MICAL2: variants seen among roughly 807,000 people sequenced by gnomAD.
MICAL2 encodes microtubule associated monooxygenase, calponin and LIM domain containing 2.
MICAL2 carries 77 observed loss-of-function variants against 127.3 expected under a neutral mutation model. The ratio of observed to expected loss-of-function variants is 0.60; its 90% confidence interval spans 0.50 to 0.73. The LOEUF (loss-of-function observed/expected upper bound fraction) is 0.73, where lower values mean the gene tolerates loss of function less well. Among genes scored for constraint, MICAL2 ranks in the 30% least tolerant of loss-of-function variants. The probability of loss-of-function intolerance (pLI) is 0.00; values close to 1 mark genes in which losing one functional copy is unlikely to be tolerated. For missense variants in MICAL2, 1,351 were observed against 1,434.4 expected, an observed-to-expected ratio of 0.94 and a Z score of 0.94; for synonymous variants, 570 against 551.1, an observed-to-expected ratio of 1.03 and a Z score of -0.48.
chr11:12,310,981 T>C (rs1189349010), intron 29 of MICAL2, among the ~76,000 whole-genome samples: 1 of 152,174 alleles, frequency 6.6e-6, no homozygotes, highest in African/African-American at 2.4e-5. Context: ...GAAAAGAATC[T>C]TGATTGATTG....
chr11:12,226,942 C>A, intron 14 of MICAL2, 83 bp from the exon 15 acceptor site: 2 of 1,098,316 alleles, frequency 1.8e-6, no homozygotes, highest in Non-Finnish European at 2.8e-6. Flanking sequence ...CGTGAGCCAC[C>A]ACACCCAGCC....
At position 12,312,427 on chromosome 11, in the gene MICAL2, T is replaced by C. The variant is rs374846572; in HGVS notation, c.5213-7269T>C. Among the ~76,000 whole-genome samples the C allele has an allele frequency of 2.6e-4, 39 of 152,254 alleles. No individual in the cohort carries two copies. The South Asian group carries it at 7.9e-3, about 31-fold the overall frequency. On this transcript the variant is annotated intron_variant, in intron 29 of 34. Transcript: ENST00000646065. ...TTTAACTGCATCCCAGTCATTCTGT[T>C]ATGACACACTTTTATCATCAGTCAG...
At chr11:12,310,047 T>A (rs1864154982) in intron 29 of MICAL2, among the ~76,000 whole-genome samples, 1 of 152,142 alleles carries the variant, frequency 6.6e-6, no homozygotes, top group South Asian at 2.1e-4. Flanking sequence ...TACTGAGTTA[T>A]TTGAGTTTCT....
intron 2 of MICAL2, among the ~76,000 whole-genome samples, chr11:12,285,141 T>G (rs1258891038): frequency 6.6e-6 from 1 of 152,026 alleles, no homozygotes; most frequent in Non-Finnish European, 1.5e-5. Context: ...GATGAACTCA[T>G]AGGGAGTCAA....
rs190118761 is a variant in MICAL2, at chr11:12,164,495, T to C, written c.264+2076T>C. ...AGAACAGGAAAATCATTGACTCATA[T>C]TAACAGGAAGGTCCAGACACTTTAA... On this transcript the variant is annotated intron_variant, in intron 3 of 27. Transcript: ENST00000683283. Among the ~76,000 whole-genome samples, 371 of 152,308 alleles carry C rather than the reference T, an allele frequency of 2.4e-3. 7 individuals are homozygous for C. Among genetic ancestry groups the C allele is most frequent in the Non-Finnish European group, 1.5e-4 (10 of 68,030 alleles).
intron 3 of MICAL2, among the ~76,000 whole-genome samples, chr11:12,194,874 A>G (rs781169121): frequency 1.8e-4 from 28 of 152,248 alleles, no homozygotes; most frequent in Non-Finnish European, 2.9e-4. Context: ...GTAATTTTTC[A>G]CATCAAATGA....
chr11:12,224,078 G>A (rs537559633), intron 12 of MICAL2, among the ~76,000 whole-genome samples: 20 of 151,968 alleles, frequency 1.3e-4, no homozygotes, highest in South Asian at 4.1e-4. Context: ...CACACACCAC[G>A]ACATGCCCCA....
chr11:12,315,670 C>T (rs1167073602), intron 29 of MICAL2, among the ~76,000 whole-genome samples: 1 of 152,182 alleles, frequency 6.6e-6, no homozygotes, highest in Non-Finnish European at 1.5e-5. Context: ...AGGATATCGT[C>T]TAACTTAGGA....
intron 1 of MICAL2, among the ~76,000 whole-genome samples, chr11:12,123,328 T>C (rs1216307773): frequency 6.6e-6 from 1 of 152,344 alleles, no homozygotes; most frequent in South Asian, 2.1e-4. Context: ...GATTCATCAA[T>C]GTCCATGGTT....
At chr11:12,230,818 A>G (rs1858154069) in intron 15 of MICAL2, among the ~76,000 whole-genome samples, 1 of 152,170 alleles carries the variant, frequency 6.6e-6, no homozygotes, top group Non-Finnish European at 1.5e-5. Context: ...ATTTACTTTT[A>G]AAGAGAGTAA....
exon 2 of MICAL2, chr11:12,281,017 G>C (rs779947162): frequency 2.5e-6 from 1 of 399,020 alleles, no homozygotes; most frequent in African/African-American, 2.1e-5. Context: ...CAGGATCCCC[G>C]CATCTACCGC....
chr11:12,260,144 T>C, intron 26 of MICAL2: 1 of 1,529,482 alleles, frequency 6.5e-7, no homozygotes, highest in East Asian at 2.5e-5. Flanking sequence ...AACTGGGTGC[T>C]CAGGTGCTTC....
chr11:12,290,814 T>C (rs1863888491), downstream of MICAL2, among the ~76,000 whole-genome samples: 1 of 152,110 alleles, frequency 6.6e-6, no homozygotes, highest in African/African-American at 2.4e-5. Context: ...CATGTTCGCA[T>C]TGATGTATGG....
At chr11:12,291,968 C>G (rs113152600), downstream of MICAL2, among the ~76,000 whole-genome samples, 852 of 152,362 alleles carry the variant, frequency 5.6e-3, 7 homozygotes, top group African/African-American at 0.019. Context: ...GACCCTGCCA[C>G]TGCTCTACCC....
intron 1 of MICAL2, among the ~76,000 whole-genome samples, chr11:12,114,677 T>C (rs1849858470): frequency 1.3e-5 from 2 of 152,196 alleles, no homozygotes; most frequent in Admixed American, 1.3e-4. Flanking sequence ...GTGCTTTGAA[T>C]TGATGAACCC....
At chr11:12,318,397 T>C (rs1247004008) in intron 29 of MICAL2, among the ~76,000 whole-genome samples, 1 of 152,248 alleles carries the variant, frequency 6.6e-6, no homozygotes, top group Non-Finnish European at 1.5e-5. Context: ...TACCTGAGCT[T>C]TCCATCTGGC....
chr11:12,172,367 A>G (rs1441317959), intron 3 of MICAL2, among the ~76,000 whole-genome samples: 2 of 152,180 alleles, frequency 1.3e-5, no homozygotes, highest in Non-Finnish European at 2.9e-5. Flanking sequence ...AGGTGTTTGG[A>G]GTGCAGGGTG....
chr11:12,191,508 A>C (rs1859115085), intron 3 of MICAL2, among the ~76,000 whole-genome samples: 1 of 151,188 alleles, frequency 6.6e-6, no homozygotes, highest in South Asian at 2.1e-4. Flanking sequence ...ATGCACCTGC[A>C]ATCCCAGCAA....
intron 33 of MICAL2, among the ~76,000 whole-genome samples, chr11:12,353,744 C>T (rs76497741): frequency 0.052 from 7,847 of 152,240 alleles, 480 homozygotes; most frequent in African/African-American, 0.13. Context: ...GCTGAGCCCC[C>T]AGCACTCAAG....
Sources: gnomAD v4.1 joint callset for allele counts (sites outside exome capture counted in the v4.1 genomes callset) on GRCh38, gnomAD v4.1.1 for gene constraint, MANE v1.5 for transcripts, NCBI Gene and HGNC (gene_info 2026-07-23, HGNC 2026-07-21) for gene names.